The following SGCZ variants were observed in gnomAD, a reference collection of about 807,000 sequenced individuals.
SGCZ encodes the protein sarcoglycan zeta.
In SGCZ, 40 loss-of-function variants were observed where a neutral mutation model predicts 41.3. The observed-to-expected ratio is 0.97, with a 90% CI of 0.75 to 1.26. SGCZ has a LOEUF of 1.26. Among genes scored for constraint, SGCZ ranks in the 50% most tolerant of loss-of-function variants. The pLI, the probability that SGCZ is intolerant of heterozygous loss-of-function variation, is 0.00. For synonymous variants in SGCZ, 206 were observed against 137.5 expected (o/e 1.50, Z -3.49); for missense variants, 552 against 369.8 (o/e 1.49, Z -4.04).
Position 14,090,372 on chromosome 8 carries a change from A to G in SGCZ, c.*71T>C. ...GAAGCTCTGGACTGATCACAAGGGA[A>G]ACCGAGCAGAACTGTGAAGCAGACG... On this transcript the variant is annotated 3_prime_UTR_variant, in exon 8 of 8. Coordinates refer to ENST00000382080, the MANE Select transcript of SGCZ (RefSeq NM_139167.4). 1.3e-6 allele frequency: 2 copies of G among 1,513,126 alleles called. No individual in the cohort carries two copies. The highest frequency in any genetic ancestry group is 1.8e-6 in the Non-Finnish European group (2 of 1,122,250). 93.7% of individuals were successfully genotyped at this position (1,513,126 alleles called of 1,614,324 possible). A position where few individuals can be genotyped will look rare whatever the true frequency, so the allele number is the denominator to read the frequency against.
At chr8:14,519,573 T>G (rs1802727464) in intron 2 of SGCZ, among the ~76,000 whole-genome samples, 1 of 152,094 alleles carries the variant, frequency 6.6e-6, no homozygotes, top group African/African-American at 2.4e-5. Context: ...TCTACGGTAT[T>G]AGAAAATGTT....
chr8:15,122,653 A>G (rs1203211524), intron 1 of SGCZ, among the ~76,000 whole-genome samples: 1 of 152,162 alleles, frequency 6.6e-6, no homozygotes, highest in Admixed American at 6.5e-5. Flanking sequence ...TAGATGCCTT[A>G]TTGATGTTAT....
intron 1 of SGCZ, among the ~76,000 whole-genome samples, chr8:14,637,522 C>T (rs76376302): frequency 0.11 from 16,717 of 151,692 alleles, 1,095 homozygotes; most frequent in African/African-American, 0.19. Flanking sequence ...ATCTTTACAT[C>T]CATACGTGCT....
At chr8:14,317,933 T>C (rs1801770234) in intron 3 of SGCZ, among the ~76,000 whole-genome samples, 1 of 151,750 alleles carries the variant, frequency 6.6e-6, no homozygotes, top group African/African-American at 2.4e-5. Flanking sequence ...CAAAAGCCTT[T>C]CAAAAATAGC....
chr8:14,972,481 G>C (rs1294768489), intron 1 of SGCZ, among the ~76,000 whole-genome samples: 1 of 152,092 alleles, frequency 6.6e-6, no homozygotes, highest in African/African-American at 2.4e-5. Context: ...CTTTTGGTTT[G>C]CTTATGTAGA....
intron 1 of SGCZ, among the ~76,000 whole-genome samples, chr8:15,014,033 A>C (rs7817470): frequency 0.72 from 109,100 of 152,154 alleles, 40,143 homozygotes; most frequent in Non-Finnish European, 0.8. Flanking sequence ...AAATCCACTC[A>C]GTTTATCAGG....
chr8:15,001,596 G>C (rs1802423127), intron 1 of SGCZ, among the ~76,000 whole-genome samples: 1 of 152,112 alleles, frequency 6.6e-6, no homozygotes, highest in Admixed American at 6.5e-5. Flanking sequence ...GGACATGTTG[G>C]TGGGCACCTG....
intron 1 of SGCZ, among the ~76,000 whole-genome samples, chr8:14,589,083 G>C (rs1361295435): frequency 2.0e-5 from 3 of 152,058 alleles, no homozygotes; most frequent in Non-Finnish European, 2.9e-5. Flanking sequence ...TGATGGGCTT[G>C]GGTGATGTTT....
chr8:14,232,353 A>G (rs147399587), intron 4 of SGCZ, among the ~76,000 whole-genome samples: 153 of 152,120 alleles, frequency 1.0e-3, no homozygotes, highest in Non-Finnish European at 1.9e-3. Flanking sequence ...GCTGTTTACA[A>G]CAGTTTCTAT....
chr8:14,876,115 T>C (rs1804348075), intron 1 of SGCZ, among the ~76,000 whole-genome samples: 1 of 152,108 alleles, frequency 6.6e-6, no homozygotes. Flanking sequence ...TGCATCAGTG[T>C]AGACAATAGA....
At chr8:14,754,054 A>T (rs1317596370) in intron 1 of SGCZ, among the ~76,000 whole-genome samples, 1 of 152,172 alleles carries the variant, frequency 6.6e-6, no homozygotes, top group East Asian at 1.9e-4. Context: ...GTTTGTTTTT[A>T]ATAAGCCCAT....
intron 2 of SGCZ, among the ~76,000 whole-genome samples, chr8:14,458,076 AT>A (rs1800801088): frequency 1.3e-5 from 2 of 152,124 alleles, no homozygotes; most frequent in African/African-American, 2.4e-5. Context: ...AGTCTCAGGC[AT>A]TTCTTTCTAG....
intron 3 of SGCZ, among the ~76,000 whole-genome samples, chr8:14,312,518 C>A (rs1264309049): frequency 6.6e-6 from 1 of 152,082 alleles, no homozygotes; most frequent in African/African-American, 2.4e-5. Context: ...ACTTGGAAAG[C>A]TGAGTCAGGA....
chr8:14,546,504 A>T (rs1803632470), intron 2 of SGCZ, among the ~76,000 whole-genome samples: 1 of 152,158 alleles, frequency 6.6e-6, no homozygotes, highest in Admixed American at 6.6e-5. Context: ...AATAAATGTC[A>T]TTGTACTCTC....
At chr8:14,308,987 C>A in intron 3 of SGCZ, 1 of 857,586 alleles carries the variant, frequency 1.2e-6, no homozygotes, top group Admixed American at 2.4e-5. Context: ...AGGATGAATT[C>A]CAAACCGCAC....
intron 2 of SGCZ, among the ~76,000 whole-genome samples, chr8:14,442,598 T>C (rs1800304075): frequency 6.6e-6 from 1 of 152,152 alleles, no homozygotes; most frequent in South Asian, 2.1e-4. Context: ...TGTAACAAAG[T>C]TTTGTTCAAA....
chr8:15,137,471 C>A (rs1808155922), intron 1 of SGCZ, among the ~76,000 whole-genome samples: 1 of 152,204 alleles, frequency 6.6e-6, no homozygotes, highest in Non-Finnish European at 1.5e-5. Flanking sequence ...ACCTTCCTGG[C>A]AGCCCCTCCC....
intron 1 of SGCZ, among the ~76,000 whole-genome samples, chr8:14,638,176 A>T (rs1041974366): frequency 6.6e-6 from 1 of 151,842 alleles, no homozygotes; most frequent in Non-Finnish European, 1.5e-5. Flanking sequence ...GACATAGCCA[A>T]AGATTCTTAC....
At chr8:14,358,428 A>G (rs1803373174) in intron 2 of SGCZ, among the ~76,000 whole-genome samples, 1 of 152,142 alleles carries the variant, frequency 6.6e-6, no homozygotes. Flanking sequence ...CTCATTACGT[A>G]AGAAGTCTTA....
Sources: gnomAD v4.1 joint callset for allele counts (sites outside exome capture counted in the v4.1 genomes callset) on GRCh38, gnomAD v4.1.1 for gene constraint, MANE v1.5 for transcripts, NCBI Gene and HGNC (gene_info 2026-07-23, HGNC 2026-07-21) for gene names.